PRAP1: variants seen among roughly 807,000 people sequenced by gnomAD.
PRAP1 encodes the protein proline-rich acidic protein 1.
A neutral mutation model predicts 14.6 loss-of-function variants in PRAP1; 12 were observed. The ratio of observed to expected loss-of-function variants is 0.82; its 90% CI spans 0.53 to 1.33. PRAP1 has a LOEUF of 1.33. Ranked by LOEUF, PRAP1 falls within the 40% of genes most tolerant of loss-of-function variation. The probability of loss-of-function intolerance (pLI) is 0.00; values close to 1 mark genes in which losing one functional copy is unlikely to be tolerated. For synonymous variants in PRAP1, 81 were observed against 80.3 expected (o/e 1.01, Z -0.04); for missense variants, 160 against 193.7 (o/e 0.83, Z 1.03).
At position 133,351,554 on chromosome 10, in the gene PRAP1, C is replaced by A. The variant is rs1589867747; in HGVS notation, c.128+121C>A. 1 of 784,646 alleles carries A rather than the reference C, an allele frequency of 1.3e-6. No individual in the cohort carries two copies. Among genetic ancestry groups the A allele is most frequent in the Non-Finnish European group, 2.1e-6 (1 of 482,510 alleles). The allele number at this position is 784,646 out of a possible 1,614,324, so 48.6% of individuals were successfully genotyped here. ...TGCAGAGAGGAGCCCTGTCCAGCAG[C>A]TTTTGGAAGGAGGGGGCACTCCAGC... is the stretch of plus-strand genomic sequence containing the variant. On this transcript the variant is annotated intron_variant, in intron 3 of 4. Transcript: ENST00000433452. The surrounding 1 kb of genome is among the most constrained non-coding windows in gnomAD (Gnocchi z 4.3).
chr10:133,352,332 G>T lies in PRAP1; in HGVS notation c.348G>T (p.Pro116=). 6.2e-7 allele frequency: 1 copy of T among 1,613,094 alleles called. No individual in the cohort carries two copies. The highest frequency in any genetic ancestry group is 8.5e-7 in the Non-Finnish European group (1 of 1,179,946). Residue 116 remains proline, a synonymous_variant, in exon 5 of 5, where the codon CCG becomes CCT. Transcript: ENST00000433452. ...ACCATGACAGCCTGTACCACCCTCCGCCTGAGGAGGACCAGGGCGAGGAGA... is the reference window on the plus strand; with the variant it reads ...ACCATGACAGCCTGTACCACCCTCCTCCTGAGGAGGACCAGGGCGAGGAGA... The part of the protein sequence containing the change: ...EPDHDSLYHP[P]PEEDQGEERP...
rs1047542046 is a variant in PRAP1, at chr10:133,352,550, G to A, written c.*110G>A. The A allele has an allele frequency of 1.6e-5, 15 of 946,736 alleles. No homozygotes were observed. Among genetic ancestry groups the A allele is most frequent in the Non-Finnish European group, 1.9e-5 (12 of 628,962 alleles). 58.6% of individuals were successfully genotyped at this position (946,736 alleles called of 1,614,324 possible). ...ACAAATAAACCCCAGCAGGCCGGGCGCGGTGGCTCACCTCTGTAATCCCAG... is the reference window on the plus strand; with the variant it reads ...ACAAATAAACCCCAGCAGGCCGGGCACGGTGGCTCACCTCTGTAATCCCAG... On this transcript the variant is annotated 3_prime_UTR_variant, in exon 5 of 5. Transcript: ENST00000433452.
Position 133,351,868 on chromosome 10 carries a change from G to A in PRAP1, c.129-139G>A. 8.6e-7 allele frequency: 1 copy of A among 1,164,792 alleles called. No individual in the cohort carries two copies. Among genetic ancestry groups the A allele is most frequent in the Non-Finnish European group, 1.2e-6 (1 of 831,842 alleles). 72.2% of individuals were successfully genotyped at this position (1,164,792 alleles called of 1,614,324 possible). ...GAGCACTGGGGGCCACTCATCACTG[G>A]CTCTTGAGAGAGAGGCTTGTCCTGG... On this transcript the variant is annotated intron_variant, in intron 3 of 4. Transcript: ENST00000433452. This position sits in a 1 kb window ranked among gnomAD's most constrained non-coding sequence, Gnocchi z 4.3.
At position 133,352,046 on chromosome 10, in the gene PRAP1, C is replaced by T. The variant is rs145918470; in HGVS notation, c.168C>T (p.Asp56=). The change falls in exon 4 of 5, where the codon GAC becomes GAT. Residue 56 remains aspartate (D), a synonymous_variant. Coordinates refer to ENST00000433452, the MANE Select transcript of PRAP1 (RefSeq NM_145202.5). ...GARVVEPPEK[D]DQLVVLFPVQ... is the part of the protein sequence containing the mutation. ...GTGTGGTGGAGCCTCCGGAGAAGGA[C>T]GACCAGCTGGTGGTGCTGTTCCCTG... is the stretch of plus-strand genomic sequence containing the variant. 37 of 1,612,970 alleles carry T rather than the reference C, an allele frequency of 2.3e-5. No individual in the cohort carries two copies. The African/African-American group carries it at 3.2e-4, about 14-fold the overall frequency.
In PRAP1 at chr10:133,352,525, A is replaced by T; in HGVS notation, c.*85A>T. 8.0e-7 allele frequency: 1 copy of T among 1,257,546 alleles called. No individual in the cohort carries two copies. The highest frequency in any genetic ancestry group is 1.1e-6 in the Non-Finnish European group (1 of 891,580). The allele number at this position is 1,257,546 out of a possible 1,614,324, so 77.9% of individuals were successfully genotyped here. ...ACCCTCCCTACCCTGCCCCAGCTAGACAAATAAACCCCAGCAGGCCGGGCG... is the reference window on the plus strand; with the variant it reads ...ACCCTCCCTACCCTGCCCCAGCTAGTCAAATAAACCCCAGCAGGCCGGGCG... On this transcript the variant is annotated 3_prime_UTR_variant, in exon 5 of 5. Transcript: ENST00000433452.
intron 1 of PRAP1, among the ~76,000 whole-genome samples, chr10:133,348,277 G>T (rs973073657): frequency 9.9e-5 from 15 of 152,190 alleles, no homozygotes; most frequent in Non-Finnish European, 1.8e-4. Flanking sequence ...CCAGCTGGGG[G>T]TCCTGAGGAG....
At chr10:133,349,097 C>T (rs1022138925) in intron 1 of PRAP1, among the ~76,000 whole-genome samples, 6 of 150,794 alleles carry the variant, frequency 4.0e-5, no homozygotes, top group African/African-American at 9.8e-5. Flanking sequence ...ACATCACACA[C>T]GCACGCACAC....
Position 133,352,008 on chromosome 10 carries a change from G to C in PRAP1, c.130G>C (p.Ala44Pro). The C allele has an allele frequency of 6.2e-7, 1 of 1,612,430 alleles. No individual in the cohort carries two copies. The highest frequency in any genetic ancestry group is 8.5e-7 in the Non-Finnish European group (1 of 1,179,886). ...HWPSEQDPEK[A>P]WGARVVEPPE... ...GACCTGACCAAACTGTGCCAGCAGG[G>C]CCTGGGGCGCCCGTGTGGTGGAGCC... is the stretch of plus-strand genomic sequence containing the variant. The change falls in exon 4 of 5, where the codon GCC (alanine) becomes CCC (proline). Residue 44 changes from alanine (A) to proline (P), a missense_variant and splice_region_variant. Ala to Pro is a conservative substitution (Grantham distance 27, BLOSUM62 -1). Coordinates refer to ENST00000433452, the MANE Select transcript of PRAP1 (RefSeq NM_145202.5).
chr10:133,351,049 C>A lies in PRAP1; in HGVS notation c.76-332C>A, dbSNP rs1426017542. ...CCAACCAGTCACTGCAGAAAACAGC[C>A]AGTGCATTGACGGCCAGGGTTGGGA... On this transcript the variant is annotated intron_variant, in intron 2 of 4. Transcript: ENST00000433452. The surrounding 1 kb of genome is among the most constrained non-coding windows in gnomAD (Gnocchi z 4.3). Among the ~76,000 whole-genome samples the A allele has an allele frequency of 6.6e-6, 1 of 152,210 alleles. No individual in the cohort carries two copies. Among genetic ancestry groups the A allele is most frequent in the Non-Finnish European group, 1.5e-5 (1 of 68,040 alleles).
intron 1 of PRAP1, among the ~76,000 whole-genome samples, chr10:133,349,741 G>A (rs1050170018): frequency 2.0e-5 from 3 of 152,200 alleles, no homozygotes; most frequent in Non-Finnish European, 4.4e-5. Flanking sequence ...ATGTGCAAGT[G>A]TGTTCATGTG....
Position 133,352,465 on chromosome 10 carries a change from C to A in PRAP1, c.*25C>A, listed in dbSNP as rs372850540. The A allele has an allele frequency of 6.3e-7, 1 of 1,597,972 alleles. No individual in the cohort carries two copies. The highest frequency in any genetic ancestry group is 1.7e-5 in the Admixed American group (1 of 59,440). On this transcript the variant is annotated 3_prime_UTR_variant, in exon 5 of 5. Transcript: ENST00000433452. ...GGGCTCCAGGGGCCATCACTGCCCC[C>A]GCCCTGTCCCAAGGCCCAGGCTGTT...
At chr10:133,352,190 C>T in intron 4 of PRAP1, 50 bp downstream of exon 4, 1 of 1,611,688 alleles carries the variant, frequency 6.2e-7, no homozygotes, top group Non-Finnish European at 8.5e-7. Context: ...TTGACTTGGA[C>T]AGACCAAGGG....
In PRAP1 at chr10:133,351,679, C is replaced by A. The variant is rs4838726; in HGVS notation, c.128+246C>A. ...TCTCCCTACTCAGCTTCCCCACAGC[C>A]TCCAGGGCAGCTTGTGCTCCACGGC... On this transcript the variant is annotated intron_variant, in intron 3 of 4. Transcript: ENST00000433452. The surrounding 1 kb of genome is among the most constrained non-coding windows in gnomAD (Gnocchi z 4.3). Among the ~76,000 whole-genome samples the A allele has an allele frequency of 1.3e-5, 2 of 152,270 alleles. No homozygotes were observed. The highest frequency in any genetic ancestry group is 4.1e-4 in the South Asian group (2 of 4,824).
In PRAP1 at chr10:133,351,344, G is replaced by C. The variant is rs763444008; in HGVS notation, c.76-37G>C. ...TCCCCAGGTGTCCTCCACCCGCGTG[G>C]ACTGTGGCCCAGCCCACACCTGTGA... On this transcript the variant is annotated intron_variant, in intron 2 of 4. Coordinates refer to ENST00000433452, the MANE Select transcript of PRAP1 (RefSeq NM_145202.5). This position sits in a 1 kb window ranked among gnomAD's most constrained non-coding sequence, Gnocchi z 4.3. The C allele has an allele frequency of 3.8e-6, 6 of 1,589,298 alleles. No individual in the cohort carries two copies. In the African/African-American group the frequency reaches 8.1e-5, roughly 21 times the overall value.
In PRAP1 at chr10:133,352,417, G is replaced by A; in HGVS notation, c.433G>A (p.Asp145Asn). 1.9e-6 allele frequency: 3 copies of A among 1,612,798 alleles called. 1 individual carries two copies. The highest frequency in any genetic ancestry group is 2.5e-6 in the Non-Finnish European group (3 of 1,179,882). The change falls in exon 5 of 5, where the codon GAC becomes AAC. Residue 145 changes from aspartate (D) to asparagine (N), a missense_variant. Physicochemically the swap from Asp to Asn is conservative, Grantham distance 23. Transcript: ENST00000433452. The stretch of plus-strand genomic sequence containing the variant: ...GCTCCTGGGACCGGAGGAAGACCAA[G>A]ACCACATCTACCACCCCCAGTAGGG... ...QVLLGPEEDQ[D>N]HIYHPQ
chr10:133,351,874 G>C lies in PRAP1; in HGVS notation c.129-133G>C. 8.1e-7 allele frequency: 1 copy of C among 1,229,426 alleles called. No individual in the cohort carries two copies. Among genetic ancestry groups the C allele is most frequent in the Non-Finnish European group, 1.1e-6 (1 of 888,528 alleles). 76.2% of individuals were successfully genotyped at this position (1,229,426 alleles called of 1,614,324 possible). ...TGGGGGCCACTCATCACTGGCTCTTGAGAGAGAGGCTTGTCCTGGGGCTGC... is the reference window on the plus strand; with the variant it reads ...TGGGGGCCACTCATCACTGGCTCTTCAGAGAGAGGCTTGTCCTGGGGCTGC... On this transcript the variant is annotated intron_variant, in intron 3 of 4. Coordinates refer to ENST00000433452, the MANE Select transcript of PRAP1 (RefSeq NM_145202.5). The surrounding 1 kb of genome is among the most constrained non-coding windows in gnomAD (Gnocchi z 4.3).
At chr10:133,350,014 CAG>C in intron 1 of PRAP1, 79 bp from the exon 2 acceptor site, 4 of 1,256,750 alleles carry the variant, frequency 3.2e-6, no homozygotes, top group Non-Finnish European at 4.5e-6. Flanking sequence ...CCAGGCCTCC[CAG>C]CTGCCCATCA....
chr10:133,349,098 G>A (rs967838295), intron 1 of PRAP1, among the ~76,000 whole-genome samples: 3 of 136,992 alleles, frequency 2.2e-5, no homozygotes, highest in Non-Finnish European at 3.1e-5. Context: ...CATCACACAC[G>A]CACGCACACA....
At position 133,350,088 on chromosome 10, in the gene PRAP1, C is replaced by A. The variant is rs199953928; in HGVS notation, c.9-7C>A. The A allele has an allele frequency of 5.3e-5, 85 of 1,613,050 alleles. 1 individual carries two copies. The highest frequency in any genetic ancestry group is 2.1e-4 in the South Asian group (19 of 90,852). The stretch of plus-strand genomic sequence containing the variant: ...ACCTCACACTTCCCTCTCTGGCCCC[C>A]CCTCAGGCTCCTCCTGGTCACCAGC... On this transcript the variant is annotated splice_region_variant and splice_polypyrimidine_tract_variant and intron_variant, in intron 1 of 4. Transcript: ENST00000433452.
Sources: allele counts gnomAD v4.1 joint callset (sites outside exome capture counted in the v4.1 genomes callset), GRCh38; gene constraint gnomAD v4.1.1; non-coding constraint Gnocchi (gnomAD v3.1); transcripts MANE v1.5; gene names NCBI Gene and HGNC (gene_info 2026-07-23, HGNC 2026-07-21).